PKHD1: variants seen among roughly 807,000 people sequenced by gnomAD.
PKHD1 encodes the protein fibrocystin.
PKHD1 carries 291 observed loss-of-function variants against 412.0 expected under a neutral mutation model. The ratio of observed to expected loss-of-function variants is 0.71; its 90% CI spans 0.64 to 0.78. PKHD1 has a LOEUF of 0.78. Ranked by LOEUF, PKHD1 falls within the 30% of genes least tolerant of loss-of-function variation. The probability of loss-of-function intolerance (pLI) is 0.00; values close to 1 mark genes in which losing one functional copy is unlikely to be tolerated. For missense variants in PKHD1, 4,825 were observed against 4,950.7 expected (o/e 0.97, Z 0.76); for synonymous variants, 1,777 against 1,821.5 (o/e 0.98, Z 0.62).
At chr6:51,843,768 G>C (rs1003928015) in intron 50 of PKHD1, among the ~76,000 whole-genome samples, 1 of 152,200 alleles carries the variant, frequency 6.6e-6, no homozygotes, top group East Asian at 1.9e-4. Context: ...TGCACACAAG[G>C]TTCTTCACTT....
At chr6:51,697,341 C>T (rs553262972) in intron 60 of PKHD1, among the ~76,000 whole-genome samples, 2 of 152,266 alleles carry the variant, frequency 1.3e-5, no homozygotes, top group East Asian at 1.9e-4. Flanking sequence ...ACTTTGATTA[C>T]AATAATTGCA....
At chr6:52,048,641 G>A in intron 22 of PKHD1, 22 bp from the exon 23 acceptor site, 1 of 1,613,806 alleles carries the variant, frequency 6.2e-7, no homozygotes. Flanking sequence ...CAGAAACAAA[G>A]TATTAACGTC....
chr6:51,735,404 T>C (rs1008242740), intron 60 of PKHD1, among the ~76,000 whole-genome samples: 1 of 152,220 alleles, frequency 6.6e-6, no homozygotes, highest in Non-Finnish European at 1.5e-5. Flanking sequence ...CTATTTAGCA[T>C]AATGCCTGGC....
At chr6:51,644,764 C>T (rs1210896658) in intron 63 of PKHD1, among the ~76,000 whole-genome samples, 1 of 152,172 alleles carries the variant, frequency 6.6e-6, no homozygotes, top group Non-Finnish European at 1.5e-5. Context: ...ACTGCAACCT[C>T]CACCTCCCGG....
intron 16 of PKHD1, among the ~76,000 whole-genome samples, chr6:52,057,709 C>T (rs1434501338): frequency 6.6e-6 from 1 of 152,200 alleles, no homozygotes; most frequent in Non-Finnish European, 1.5e-5. Flanking sequence ...GCCACCACAC[C>T]TGGCCAGCTT....
intron 53 of PKHD1, among the ~76,000 whole-genome samples, chr6:51,783,277 A>G (rs917747282): frequency 6.6e-6 from 1 of 150,530 alleles, no homozygotes; most frequent in Non-Finnish European, 1.5e-5. Context: ...ACTAGGGATC[A>G]AGGAGGTTTC....
chr6:52,007,711 A>G (rs973175074), intron 35 of PKHD1, among the ~76,000 whole-genome samples: 2 of 152,196 alleles, frequency 1.3e-5, no homozygotes, highest in Non-Finnish European at 2.9e-5. Flanking sequence ...ACTTCATTAT[A>G]TCCAGTTCCT....
At chr6:51,927,425 C>T (rs182276293) in intron 37 of PKHD1, among the ~76,000 whole-genome samples, 16 of 152,272 alleles carry the variant, frequency 1.1e-4, no homozygotes, top group African/African-American at 3.6e-4. Context: ...GCCACTTTTG[C>T]CATCCCTGGA....
intron 60 of PKHD1, among the ~76,000 whole-genome samples, chr6:51,705,949 C>A (rs1366225514): frequency 6.6e-6 from 1 of 152,036 alleles, no homozygotes; most frequent in African/African-American, 2.4e-5. Flanking sequence ...TTTTAGAATA[C>A]AAATTCAATT....
chr6:51,632,916 CAAT>C (rs1277918138), intron 64 of PKHD1, among the ~76,000 whole-genome samples, 193 bp from the exon 65 acceptor site: 2 of 152,042 alleles, frequency 1.3e-5, no homozygotes, highest in Non-Finnish European at 2.9e-5. Context: ...AAGATTCCAA[CAAT>C]AACACATAAT....
chr6:51,921,799 T>G (rs1040645017), intron 37 of PKHD1, among the ~76,000 whole-genome samples: 11 of 152,246 alleles, frequency 7.2e-5, no homozygotes, highest in African/African-American at 2.7e-4. Flanking sequence ...AGGTCTTCTC[T>G]ATGCTGTTTA....
At chr6:52,027,457 G>A (rs978499851) in intron 31 of PKHD1, among the ~76,000 whole-genome samples, 4 of 150,348 alleles carry the variant, frequency 2.7e-5, no homozygotes, top group South Asian at 2.1e-4. Flanking sequence ...ACTTGAACCC[G>A]GGAGGCAGAC....
At chr6:51,772,566 C>T (rs889098908) in intron 55 of PKHD1, 136 bp downstream of exon 55, 22 of 547,028 alleles carry the variant, frequency 4.0e-5, no homozygotes, top group African/African-American at 3.8e-4. Flanking sequence ...TCCCTATAAT[C>T]GCTTATTTTT....
Position 51,909,456 on chromosome 6 carries a change from A to C in PKHD1, c.6509T>G (p.Leu2170Trp). The C allele has an allele frequency of 1.2e-6, 2 of 1,613,174 alleles. No homozygotes were observed. Among genetic ancestry groups the C allele is most frequent in the Non-Finnish European group, 1.7e-6 (2 of 1,179,300 alleles). ...TAGCATCTTCTCACTCATGGAATAC[A>C]AACAGTGCTGCAGATTACCTGAAAT... ...NAPEGNLQHC[L>W]YSMSEKMLGS... Residue 2170 changes from leucine (L) to tryptophan (W), a missense_variant, in exon 40 of 67, where the codon TTG becomes TGG. Leu to Trp is a moderately conservative substitution (Grantham distance 61). Coordinates refer to ENST00000371117, the MANE Select transcript of PKHD1 (RefSeq NM_138694.4).
intron 37 of PKHD1, among the ~76,000 whole-genome samples, chr6:51,917,978 T>G (rs1265639992): frequency 6.6e-6 from 1 of 152,140 alleles, no homozygotes; most frequent in Admixed American, 6.6e-5. Flanking sequence ...ATGGACTTAC[T>G]GTATGTTGGG....
intron 19 of PKHD1, among the ~76,000 whole-genome samples, chr6:52,055,192 C>T (rs1421442899): frequency 6.6e-6 from 1 of 152,170 alleles, no homozygotes; most frequent in African/African-American, 2.4e-5. Context: ...AGATAGACCA[C>T]ATTACTGTCC....
At chr6:51,746,929 TA>T in intron 58 of PKHD1, 40 bp from the exon 59 acceptor site, 1 of 1,195,536 alleles carries the variant, frequency 8.4e-7, no homozygotes. Flanking sequence ...TTATATCATA[TA>T]AACCACCAGC....
intron 36 of PKHD1, among the ~76,000 whole-genome samples, chr6:51,944,443 T>C (rs1789116117): frequency 6.6e-6 from 1 of 152,098 alleles, no homozygotes; most frequent in Admixed American, 6.5e-5. Context: ...CTAAGATTGG[T>C]CTTTTGAGAT....
intron 35 of PKHD1, among the ~76,000 whole-genome samples, chr6:51,960,954 T>C (rs1791938248): frequency 6.6e-6 from 1 of 152,154 alleles, no homozygotes; most frequent in Non-Finnish European, 1.5e-5. Flanking sequence ...TGTGAAGTTG[T>C]AGAAGTATAA....
Sources: allele counts gnomAD v4.1 joint callset (sites outside exome capture counted in the v4.1 genomes callset), GRCh38; gene constraint gnomAD v4.1.1; transcripts MANE v1.5; gene names NCBI Gene and HGNC (gene_info 2026-07-23, HGNC 2026-07-21).